FAM227B: variants seen among roughly 807,000 people sequenced by gnomAD.
FAM227B encodes the protein family with sequence similarity 227 member B, also known as protein FAM227B.
In FAM227B, 88 loss-of-function variants were observed where a neutral mutation model predicts 73.8. That is an observed-to-expected ratio of 1.19 (90% confidence interval 1.00 to 1.42). The LOEUF (loss-of-function observed/expected upper bound fraction) is 1.42. FAM227B is among the 40% of genes most tolerant of loss of function. The probability of loss-of-function intolerance (pLI) is 0.00; values close to 1 mark genes in which losing one functional copy is unlikely to be tolerated. For synonymous variants in FAM227B, 210 were observed against 190.5 expected (o/e 1.10, Z -0.84); for missense variants, 632 against 590.9 (o/e 1.07, Z -0.72).
In FAM227B at chr15:49,327,506, TA is replaced by T. The variant is rs1426349783; in HGVS notation, c.*1061del. The T allele has an allele frequency of 6.5e-6, 1 of 153,718 alleles. No homozygotes were observed. The highest frequency in any genetic ancestry group is 1.4e-5 in the Non-Finnish European group (1 of 69,090). The allele number at this position is 153,718 out of a possible 1,614,324, so 9.5% of individuals were successfully genotyped here. A position where few individuals can be genotyped will look rare whatever the true frequency, so the allele number is the denominator to read the frequency against. On this transcript the variant is annotated 3_prime_UTR_variant, in exon 16 of 16. Coordinates refer to ENST00000299338, the MANE Select transcript of FAM227B (RefSeq NM_152647.3). ...AAATAGCCATTGGGGAAAACTTGTA[TA>T]AGACTGTACATTTTAAATTTTGATT...
chr15:49,475,155 T>C (rs549402867), intron 11 of FAM227B, among the ~76,000 whole-genome samples: 2 of 152,236 alleles, frequency 1.3e-5, no homozygotes, highest in South Asian at 4.1e-4. Flanking sequence ...TAGTGTATGA[T>C]TAGTGAAACA....
At chr15:49,469,440 T>C (rs1473464188) in intron 11 of FAM227B, among the ~76,000 whole-genome samples, 1 of 152,148 alleles carries the variant, frequency 6.6e-6, no homozygotes, top group African/African-American at 2.4e-5. Context: ...GCACTATCTT[T>C]ACTTCATTCT....
intron 10 of FAM227B, among the ~76,000 whole-genome samples, chr15:49,519,263 G>C (rs1253446845): frequency 2.0e-5 from 3 of 152,146 alleles, no homozygotes; most frequent in African/African-American, 7.2e-5. Context: ...AGTGTCTGTG[G>C]CTTTTACAGG....
chr15:49,393,308 T>A (rs2047343221), intron 11 of FAM227B, among the ~76,000 whole-genome samples: 1 of 152,148 alleles, frequency 6.6e-6, no homozygotes, highest in Non-Finnish European at 1.5e-5. Context: ...TATCATTTCC[T>A]CTTTGTTTGG....
At chr15:49,597,804 C>G (rs1037133828) in intron 3 of FAM227B, among the ~76,000 whole-genome samples, 1 of 151,874 alleles carries the variant, frequency 6.6e-6, no homozygotes, top group Non-Finnish European at 1.5e-5. Flanking sequence ...CAACTGATAA[C>G]ACAGAGATAC....
chr15:49,579,405 A>G (rs1382868617), intron 5 of FAM227B, among the ~76,000 whole-genome samples: 1 of 152,238 alleles, frequency 6.6e-6, no homozygotes. Context: ...CTAAGTTTCC[A>G]TCAAAGGATA....
intron 11 of FAM227B, among the ~76,000 whole-genome samples, chr15:49,381,363 T>C (rs2046522670): frequency 1.3e-5 from 2 of 152,174 alleles, no homozygotes; most frequent in Non-Finnish European, 2.9e-5. Context: ...TGGTGTCCTT[T>C]CTCTTTTGTC....
intron 11 of FAM227B, among the ~76,000 whole-genome samples, chr15:49,435,554 G>C (rs2051027819): frequency 6.6e-6 from 1 of 151,454 alleles, no homozygotes; most frequent in Admixed American, 6.6e-5. Flanking sequence ...TAAATAATGT[G>C]TTATAAAATA....
chr15:49,395,257 T>C (rs915562832), intron 11 of FAM227B, among the ~76,000 whole-genome samples: 1 of 152,166 alleles, frequency 6.6e-6, no homozygotes, highest in African/African-American at 2.4e-5. Flanking sequence ...GTTTTAAGGT[T>C]TTTTTTGTAA....
chr15:49,445,679 A>T (rs966979126), intron 11 of FAM227B, among the ~76,000 whole-genome samples: 10 of 151,594 alleles, frequency 6.6e-5, no homozygotes, highest in Non-Finnish European at 1.5e-4. Context: ...AGAAAAAAAT[A>T]AAATATAGAA....
chr15:49,607,564 T>G (rs988820319), intron 3 of FAM227B, among the ~76,000 whole-genome samples: 2 of 152,184 alleles, frequency 1.3e-5, no homozygotes, highest in African/African-American at 4.8e-5. Context: ...TGTTATAATA[T>G]GTACAAATCT....
chr15:49,507,109 C>T (rs1056242579), intron 11 of FAM227B, among the ~76,000 whole-genome samples: 10 of 150,686 alleles, frequency 6.6e-5, no homozygotes, highest in Non-Finnish European at 1.0e-4. Context: ...ACAATATATA[C>T]GAAGTTTTGG....
intron 11 of FAM227B, among the ~76,000 whole-genome samples, chr15:49,390,462 C>A (rs2151567523): frequency 6.6e-6 from 1 of 152,064 alleles, no homozygotes; most frequent in Non-Finnish European, 1.5e-5. Context: ...ACTTGATGTG[C>A]ACATTGTTTT....
intron 10 of FAM227B, among the ~76,000 whole-genome samples, chr15:49,523,539 T>C (rs2059933340): frequency 6.6e-6 from 1 of 152,192 alleles, no homozygotes. Context: ...ATGTCTTTAT[T>C]AGCAGCACAA....
intron 5 of FAM227B, among the ~76,000 whole-genome samples, chr15:49,584,347 T>C (rs2076011024): frequency 6.6e-6 from 1 of 152,174 alleles, no homozygotes; most frequent in Admixed American, 6.5e-5. Context: ...TTAAACTACA[T>C]ATTGAAGGTA....
intron 4 of FAM227B, among the ~76,000 whole-genome samples, chr15:49,588,812 CTT>C (rs1333775964): frequency 2.7e-5 from 4 of 150,486 alleles, no homozygotes; most frequent in Non-Finnish European, 5.9e-5. Flanking sequence ...AAAATATAAA[CTT>C]TTAAAAATTT....
chr15:49,438,005 G>A (rs190342332), intron 11 of FAM227B, among the ~76,000 whole-genome samples: 108 of 151,678 alleles, frequency 7.1e-4, no homozygotes, highest in African/African-American at 2.3e-3. Flanking sequence ...AATGGGGAAG[G>A]GAGTCAGAAG....
intron 9 of FAM227B, among the ~76,000 whole-genome samples, chr15:49,559,903 T>C (rs1231886138): frequency 6.6e-6 from 1 of 151,688 alleles, no homozygotes; most frequent in African/African-American, 2.4e-5. Context: ...GCTACTGCAC[T>C]CCAGCCTGGG....
intron 13 of FAM227B, among the ~76,000 whole-genome samples, chr15:49,344,507 T>C (rs2041186993): frequency 6.6e-6 from 1 of 152,156 alleles, no homozygotes; most frequent in South Asian, 2.1e-4. Context: ...TCATCCCCAA[T>C]TGTGTGTTCC....
Sources: allele counts gnomAD v4.1 joint callset (sites outside exome capture counted in the v4.1 genomes callset), GRCh38; gene constraint gnomAD v4.1.1; transcripts MANE v1.5; gene names NCBI Gene and HGNC (gene_info 2026-07-23, HGNC 2026-07-21).